KCNK2: variants seen among roughly 807,000 people sequenced by gnomAD.
The protein encoded by KCNK2 is potassium two pore domain channel subfamily K member 2, also known as potassium channel subfamily K member 2.
In KCNK2, 21 loss-of-function variants were observed where a neutral mutation model predicts 40.5. The observed-to-expected ratio is 0.52, with a 90% CI of 0.37 to 0.75. The LOEUF (loss-of-function observed/expected upper bound fraction) is 0.75. KCNK2 is among the 30% of genes least tolerant of loss of function. KCNK2 has a pLI of 0.00. For missense variants in KCNK2, 399 were observed against 531.6 expected, an observed-to-expected ratio of 0.75 and a Z score of 2.45; for synonymous variants, 191 against 202.2, an observed-to-expected ratio of 0.94 and a Z score of 0.47.
At chr1:215,210,825 A>C (rs1665711521) in intron 6 of KCNK2, among the ~76,000 whole-genome samples, 1 of 149,200 alleles carries the variant, frequency 6.7e-6, no homozygotes, top group Non-Finnish European at 1.5e-5. Context: ...AACTGGAGAA[A>C]ATTGCATAAA....
chr1:215,129,399 C>G (rs1444579973), intron 3 of KCNK2, among the ~76,000 whole-genome samples: 1 of 152,044 alleles, frequency 6.6e-6, no homozygotes, highest in African/African-American at 2.4e-5. Context: ...AATGATCAAT[C>G]AGTACATTAA....
chr1:215,125,594 G>A (rs1174639867), intron 3 of KCNK2, among the ~76,000 whole-genome samples: 1 of 151,762 alleles, frequency 6.6e-6, no homozygotes, highest in East Asian at 1.9e-4. Flanking sequence ...GTTGTGGGGT[G>A]GGGAGATGGG....
intron 1 of KCNK2, among the ~76,000 whole-genome samples, chr1:215,050,078 A>G (rs192225000): frequency 6.6e-6 from 1 of 152,316 alleles, no homozygotes; most frequent in African/African-American, 2.4e-5. Context: ...TATTAAACCT[A>G]TAGATCAACA....
rs1049412684 is a variant in KCNK2 at position 215,234,729 on chromosome 1, C to CT, written c.964-94dup. On this transcript the variant is annotated intron_variant, in intron 6 of 6. Coordinates refer to ENST00000444842, the MANE Select transcript of KCNK2 (RefSeq NM_001017425.3). ...TGCTGTAAAAGACTACTCCACTCTT[C>CT]TTTTTAAAATCCCAAAATAAAATGA... 61 of 1,215,532 alleles carry CT rather than the reference C, an allele frequency of 5.0e-5. No individual in the cohort carries two copies. The African/African-American group carries it at 8.8e-4, about 17-fold the overall frequency. 75.3% of individuals were successfully genotyped at this position (1,215,532 alleles called of 1,614,324 possible).
intron 6 of KCNK2, among the ~76,000 whole-genome samples, chr1:215,234,214 A>G (rs1666783943): frequency 6.6e-6 from 1 of 152,220 alleles, no homozygotes; most frequent in South Asian, 2.1e-4. Context: ...ATTCCCTGAA[A>G]GCAGAAACAA....
intron 3 of KCNK2, 109 bp downstream of exon 3, chr1:215,124,859 A>C: frequency 2.9e-6 from 2 of 689,980 alleles, no homozygotes; most frequent in Admixed American, 4.6e-5. Flanking sequence ...TAAGGTAGAA[A>C]AACTAGATTA....
upstream of KCNK2, among the ~76,000 whole-genome samples, chr1:215,079,979 C>A (rs1659088999): frequency 6.6e-6 from 1 of 152,072 alleles, no homozygotes; most frequent in Admixed American, 6.5e-5. Flanking sequence ...CTGTAAGTTA[C>A]ATCACTTCTC....
chr1:215,186,749 G>T (rs1331149671), intron 5 of KCNK2, among the ~76,000 whole-genome samples: 1 of 152,102 alleles, frequency 6.6e-6, no homozygotes, highest in Non-Finnish European at 1.5e-5. Flanking sequence ...TTAGTGATTG[G>T]TATCTGCTCC....
At chr1:215,153,044 C>G (rs1184475473) in intron 3 of KCNK2, among the ~76,000 whole-genome samples, 1 of 152,170 alleles carries the variant, frequency 6.6e-6, no homozygotes, top group Non-Finnish European at 1.5e-5. Context: ...AGTATATAAA[C>G]TGCACCCAAC....
intron 3 of KCNK2, among the ~76,000 whole-genome samples, chr1:215,134,118 A>AC (rs1661794605): frequency 6.6e-6 from 1 of 151,362 alleles, no homozygotes; most frequent in South Asian, 2.1e-4. Flanking sequence ...AAGAAAAAAA[A>AC]AATTCTCCCA....
At chr1:215,047,812 A>G (rs145840676) in intron 1 of KCNK2, among the ~76,000 whole-genome samples, 1 of 152,302 alleles carries the variant, frequency 6.6e-6, no homozygotes, top group East Asian at 1.9e-4. Context: ...AAATATTTCA[A>G]TACAGATATA....
chr1:215,026,809 A>G (rs1657015999), intron 1 of KCNK2, among the ~76,000 whole-genome samples: 1 of 152,000 alleles, frequency 6.6e-6, no homozygotes, highest in Admixed American at 6.5e-5. Context: ...TGAGAATGAC[A>G]TCATGTGTAT....
At chr1:215,070,999 T>C (rs1658739052) in intron 1 of KCNK2, among the ~76,000 whole-genome samples, 1 of 152,228 alleles carries the variant, frequency 6.6e-6, no homozygotes, top group Non-Finnish European at 1.5e-5. Flanking sequence ...TAAATTTTTC[T>C]AATTAATTTA....
chr1:215,018,995 ACAC>A (rs1656690604), intron 1 of KCNK2, among the ~76,000 whole-genome samples: 3 of 56,086 alleles, frequency 5.3e-5, no homozygotes, highest in Non-Finnish European at 8.9e-5. Flanking sequence ...ACACACACAC[ACAC>A]AAAAAAAAAA....
At chr1:215,107,928 G>A (rs1236874825) in intron 2 of KCNK2, among the ~76,000 whole-genome samples, 1 of 152,124 alleles carries the variant, frequency 6.6e-6, no homozygotes, top group African/African-American at 2.4e-5. Context: ...TAAGTCAGCA[G>A]TTCTCAACCT....
At chr1:215,176,014 TA>T (rs1308144466) in intron 5 of KCNK2, among the ~76,000 whole-genome samples, 15 of 152,296 alleles carry the variant, frequency 9.8e-5, no homozygotes, top group Admixed American at 8.5e-4. Flanking sequence ...ATATAGCCAG[TA>T]ATAGGATTGC....
intron 5 of KCNK2, among the ~76,000 whole-genome samples, chr1:215,191,775 C>A (rs1440641838): frequency 6.6e-6 from 1 of 152,094 alleles, no homozygotes; most frequent in Non-Finnish European, 1.5e-5. Context: ...GATTTATGTG[C>A]ATGATTTTAG....
chr1:215,228,928 G>A (rs1666506562), intron 6 of KCNK2, among the ~76,000 whole-genome samples: 1 of 152,062 alleles, frequency 6.6e-6, no homozygotes, highest in African/African-American at 2.4e-5. Flanking sequence ...GTGTTACTTG[G>A]TGAATAATGA....
intron 1 of KCNK2, among the ~76,000 whole-genome samples, chr1:215,036,403 A>G (rs780719301): frequency 6.6e-6 from 1 of 151,836 alleles, no homozygotes; most frequent in Non-Finnish European, 1.5e-5. Flanking sequence ...CTATTTTTCT[A>G]TCTTTACATC....
Sources: gnomAD v4.1 joint callset for allele counts (sites outside exome capture counted in the v4.1 genomes callset) on GRCh38, gnomAD v4.1.1 for gene constraint, MANE v1.5 for transcripts, NCBI Gene and HGNC (gene_info 2026-07-23, HGNC 2026-07-21) for gene names.